The following PIK3C2G variants were observed in gnomAD, a reference collection of about 807,000 sequenced individuals.
PIK3C2G encodes phosphatidylinositol 3-kinase C2 domain-containing subunit gamma.
Under a neutral mutation model 181.1 loss-of-function variants are expected in PIK3C2G, and 168 were observed. The observed-to-expected ratio is 0.93, with a 90% CI of 0.82 to 1.05. The LOEUF (loss-of-function observed/expected upper bound fraction) is 1.05, where lower values mean the gene tolerates loss of function less well. Among genes scored for constraint, PIK3C2G ranks in the 50% least tolerant of loss-of-function variants. The pLI is 0.00. For missense variants in PIK3C2G, 1,869 were observed against 1,732.8 expected, an observed-to-expected ratio of 1.08 and a Z score of -1.40; for synonymous variants, 573 against 592.2, an observed-to-expected ratio of 0.97 and a Z score of 0.47.
At chr12:18,603,286 A>G (rs1347541317) in intron 30 of PIK3C2G, among the ~76,000 whole-genome samples, 3 of 152,190 alleles carry the variant, frequency 2.0e-5, no homozygotes, top group Non-Finnish European at 4.4e-5. Context: ...GAGCTTGAAG[A>G]CAAGGTCTTT....
intron 31 of PIK3C2G, among the ~76,000 whole-genome samples, chr12:18,615,223 G>C (rs1477491994): frequency 6.6e-6 from 1 of 151,638 alleles, no homozygotes; most frequent in Non-Finnish European, 1.5e-5. Flanking sequence ...AAAATGTTTA[G>C]TTTCCCATTC....
intron 1 of PIK3C2G, among the ~76,000 whole-genome samples, chr12:18,251,787 C>T (rs1180094047): frequency 6.6e-6 from 1 of 151,960 alleles, no homozygotes; most frequent in Non-Finnish European, 1.5e-5. Context: ...TAGAAATATG[C>T]ATACCACAGT....
chr12:18,413,687 C>T (rs949965413), intron 16 of PIK3C2G, among the ~76,000 whole-genome samples: 1 of 152,050 alleles, frequency 6.6e-6, no homozygotes, highest in Non-Finnish European at 1.5e-5. Context: ...GTGTAATATT[C>T]ACTTCAATAG....
chr12:18,275,034 TA>T (rs1458800141), intron 1 of PIK3C2G, among the ~76,000 whole-genome samples: 2 of 152,238 alleles, frequency 1.3e-5, no homozygotes, highest in Non-Finnish European at 2.9e-5. Flanking sequence ...TATTTATTTT[TA>T]AAAGTCCATA....
intron 31 of PIK3C2G, among the ~76,000 whole-genome samples, chr12:18,627,727 C>A (rs987174435): frequency 1.3e-5 from 2 of 152,102 alleles, no homozygotes; most frequent in Non-Finnish European, 1.5e-5. Context: ...TGATGGCTAA[C>A]CTGAATTTAA....
the PIK3C2G span, chr12:18,712,768 A>G: frequency 6.5e-7 from 1 of 1,533,410 alleles, no homozygotes; most frequent in East Asian, 2.3e-5. Context: ...GCTAAGCATT[A>G]TAGGATTTTG....
At chr12:18,361,695 G>C (rs907064705) in intron 11 of PIK3C2G, among the ~76,000 whole-genome samples, 4 of 152,034 alleles carry the variant, frequency 2.6e-5, no homozygotes, top group Admixed American at 2.6e-4. Flanking sequence ...GCTTTTTCTG[G>C]TGTCTGTCTG....
At chr12:18,278,962 A>G (rs995677630) in intron 1 of PIK3C2G, among the ~76,000 whole-genome samples, 2 of 152,054 alleles carry the variant, frequency 1.3e-5, no homozygotes, top group Admixed American at 1.3e-4. Flanking sequence ...TCTCATGATA[A>G]TGAAATTTTT....
At chr12:18,715,192 G>A in the PIK3C2G span, among the ~76,000 whole-genome samples, 2 of 8,940 alleles carry the variant, frequency 2.2e-4, no homozygotes, top group African/African-American at 6.6e-4. Context: ...GCGGAGGGAG[G>A]GAGAGAGAGA....
the PIK3C2G span, among the ~76,000 whole-genome samples, chr12:18,673,875 A>T: frequency 6.9e-4 from 105 of 152,250 alleles, 1 homozygote; most frequent in South Asian, 0.021. Context: ...TGCCACATGG[A>T]CCTCTTTCAC....
chr12:18,621,985 A>G (rs1948884926), intron 31 of PIK3C2G, among the ~76,000 whole-genome samples: 1 of 151,898 alleles, frequency 6.6e-6, no homozygotes, highest in African/African-American at 2.4e-5. Context: ...AAGTGATATT[A>G]TGATTTTTTA....
At chr12:18,431,592 G>A (rs1267410111) in intron 18 of PIK3C2G, among the ~76,000 whole-genome samples, 1 of 152,152 alleles carries the variant, frequency 6.6e-6, no homozygotes, top group East Asian at 1.9e-4. Flanking sequence ...TTGTTTTGAT[G>A]TCTGGAACAC....
At position 18,539,070 on chromosome 12, in the gene PIK3C2G, G is replaced by C. The variant is rs118016726; in HGVS notation, c.3480+758G>C. 1.2e-3 allele frequency among the ~76,000 whole-genome samples: 190 copies of C among 152,004 alleles called. No individual in the cohort carries two copies. In the East Asian group the frequency reaches 0.031, roughly 25 times the overall value. On this transcript the variant is annotated intron_variant, in intron 25 of 32. Coordinates refer to ENST00000538779, the MANE Select transcript of PIK3C2G (RefSeq NM_001288772.2). ...TTGGTCTATCAGCATGGGATTTGGA[G>C]TCTATGAAAAATAACTGATTTAGAG...
chr12:18,547,823 C>T (rs893332396), intron 26 of PIK3C2G, among the ~76,000 whole-genome samples: 4 of 151,920 alleles, frequency 2.6e-5, no homozygotes, highest in Non-Finnish European at 4.4e-5. Flanking sequence ...AATTGATGTT[C>T]GACTGTGGCC....
chr12:18,278,295 G>A (rs1462718023), intron 1 of PIK3C2G, among the ~76,000 whole-genome samples: 3 of 152,234 alleles, frequency 2.0e-5, no homozygotes, highest in South Asian at 2.1e-4. Context: ...CTCTAGAGAC[G>A]TCTTATGTTC....
chr12:18,616,478 A>G (rs1029605732), intron 31 of PIK3C2G, among the ~76,000 whole-genome samples: 6 of 152,114 alleles, frequency 3.9e-5, no homozygotes, highest in Non-Finnish European at 7.4e-5. Context: ...AGGAAGGTCA[A>G]ATGTCAAATA....
intron 22 of PIK3C2G, among the ~76,000 whole-genome samples, chr12:18,502,521 C>T (rs1372078271): frequency 6.6e-6 from 1 of 152,110 alleles, no homozygotes; most frequent in Non-Finnish European, 1.5e-5. Flanking sequence ...GTTTTGTAGA[C>T]ATTATCCCTG....
chr12:18,451,171 T>C (rs1403339574), intron 18 of PIK3C2G, among the ~76,000 whole-genome samples: 1 of 152,208 alleles, frequency 6.6e-6, no homozygotes, highest in Non-Finnish European at 1.5e-5. Context: ...TTGTGCAGTA[T>C]GGCCATTTTC....
upstream of PIK3C2G, among the ~76,000 whole-genome samples, chr12:18,258,675 T>C (rs890109016): frequency 1.3e-5 from 2 of 151,916 alleles, no homozygotes; most frequent in South Asian, 2.1e-4. Flanking sequence ...ATTCTACTTA[T>C]ATAGCAGTAG....
Sources: allele counts gnomAD v4.1 joint callset (sites outside exome capture counted in the v4.1 genomes callset), GRCh38; gene constraint gnomAD v4.1.1; transcripts MANE v1.5; gene names NCBI Gene and HGNC (gene_info 2026-07-23, HGNC 2026-07-21).